The following COL25A1 variants were observed in gnomAD, a reference collection of about 807,000 sequenced individuals.
The protein encoded by COL25A1 is collagen alpha-1(XXV) chain.
In COL25A1, 103 loss-of-function variants were observed where a neutral mutation model predicts 128.4. The observed-to-expected ratio is 0.80, with a 90% confidence interval of 0.68 to 0.94. The LOEUF is 0.94. COL25A1 is among the 40% of genes least tolerant of loss of function. The probability of loss-of-function intolerance (pLI) is 0.00; values close to 1 mark genes in which losing one functional copy is unlikely to be tolerated. For missense variants in COL25A1, 745 were observed against 840.0 expected (o/e 0.89, Z 1.40); for synonymous variants, 279 against 277.2 (o/e 1.01, Z -0.06).
intron 3 of COL25A1, among the ~76,000 whole-genome samples, chr4:109,173,528 C>T (rs1773786664): frequency 1.3e-5 from 2 of 152,044 alleles, no homozygotes; most frequent in South Asian, 2.1e-4. Flanking sequence ...CAAAGTTATA[C>T]TCTTTTTTTA....
intron 3 of COL25A1, among the ~76,000 whole-genome samples, chr4:109,262,723 A>T (rs1347739433): frequency 6.6e-6 from 1 of 152,224 alleles, no homozygotes; most frequent in Non-Finnish European, 1.5e-5. Context: ...CAATATAGAC[A>T]AAACACTGAA....
intron 3 of COL25A1, among the ~76,000 whole-genome samples, chr4:109,085,977 A>C (rs1764326644): frequency 6.6e-6 from 1 of 152,220 alleles, no homozygotes; most frequent in Non-Finnish European, 1.5e-5. Flanking sequence ...GAGGAATGGG[A>C]GTGGAGGCTA....
At chr4:108,956,215 T>G (rs778422839) in intron 8 of COL25A1, among the ~76,000 whole-genome samples, 1 of 152,226 alleles carries the variant, frequency 6.6e-6, no homozygotes, top group African/African-American at 2.4e-5. Context: ...GATGCACTTA[T>G]GTAACTGGAT....
chr4:109,024,243 C>G (rs1758032600), intron 5 of COL25A1, among the ~76,000 whole-genome samples: 1 of 136,006 alleles, frequency 7.4e-6, no homozygotes, highest in African/African-American at 3.1e-5. Flanking sequence ...TTTCAACTTA[C>G]TCTGGATTTA....
chr4:108,931,397 A>G (rs1373340451), intron 11 of COL25A1, among the ~76,000 whole-genome samples: 1 of 152,184 alleles, frequency 6.6e-6, no homozygotes, highest in Non-Finnish European at 1.5e-5. Context: ...AAAATAGTTA[A>G]TAATAGAGCT....
chr4:109,252,594 T>C (rs972716419), intron 3 of COL25A1, among the ~76,000 whole-genome samples: 3 of 152,170 alleles, frequency 2.0e-5, no homozygotes, highest in Non-Finnish European at 4.4e-5. Flanking sequence ...TTCAGGTGGG[T>C]CTATCCATAT....
At chr4:109,285,213 T>A (rs1454859193) in intron 3 of COL25A1, among the ~76,000 whole-genome samples, 1 of 152,022 alleles carries the variant, frequency 6.6e-6, no homozygotes, top group Non-Finnish European at 1.5e-5. Flanking sequence ...ACTTGAAGAG[T>A]TATCATAGTA....
intron 3 of COL25A1, among the ~76,000 whole-genome samples, chr4:109,211,305 T>TG (rs1777526540): frequency 5.8e-5 from 3 of 51,402 alleles, no homozygotes; most frequent in African/African-American, 5.6e-4. Context: ...TATATATATA[T>TG]ATATATATAT....
chr4:109,016,276 C>G (rs570181668), intron 5 of COL25A1, among the ~76,000 whole-genome samples: 7 of 152,242 alleles, frequency 4.6e-5, no homozygotes, highest in Admixed American at 2.6e-4. Flanking sequence ...AGCAGCCCCC[C>G]GCTGCCTCAG....
chr4:108,934,790 T>C (rs890808020), intron 11 of COL25A1, among the ~76,000 whole-genome samples: 2 of 152,220 alleles, frequency 1.3e-5, no homozygotes, highest in Non-Finnish European at 2.9e-5. Flanking sequence ...TCAAAATATG[T>C]TGATTTAAGA....
At chr4:108,823,519 C>T (rs1347556001) in intron 35 of COL25A1, among the ~76,000 whole-genome samples, 2 of 152,114 alleles carry the variant, frequency 1.3e-5, no homozygotes, top group Non-Finnish European at 2.9e-5. Context: ...ACTTTTCTTT[C>T]AAGTCATAAA....
At chr4:109,036,173 C>T (rs1233145977) in intron 5 of COL25A1, among the ~76,000 whole-genome samples, 2 of 152,014 alleles carry the variant, frequency 1.3e-5, no homozygotes, top group African/African-American at 2.4e-5. Context: ...ATGATCCGCC[C>T]ACCTCAACCT....
chr4:108,898,158 TTC>T (rs1742362599), intron 15 of COL25A1, among the ~76,000 whole-genome samples: 1 of 152,148 alleles, frequency 6.6e-6, no homozygotes, highest in South Asian at 2.1e-4. Flanking sequence ...CAAACCAACC[TTC>T]TTAGTAGGGA....
chr4:109,159,075 T>C (rs1772313532), intron 3 of COL25A1, among the ~76,000 whole-genome samples: 1 of 152,112 alleles, frequency 6.6e-6, no homozygotes. Flanking sequence ...CCGATGTTAC[T>C]ATATATCAAG....
chr4:109,063,467 C>T (rs186999778), intron 3 of COL25A1, among the ~76,000 whole-genome samples: 1 of 150,322 alleles, frequency 6.7e-6, no homozygotes, highest in Admixed American at 6.7e-5. Context: ...CACACCACTG[C>T]ACTCCAGCCT....
intron 3 of COL25A1, among the ~76,000 whole-genome samples, chr4:109,165,923 T>A (rs1773030587): frequency 6.6e-6 from 1 of 152,320 alleles, no homozygotes; most frequent in African/African-American, 2.4e-5. Flanking sequence ...AGCTGAAATA[T>A]CTTTAGTATC....
chr4:108,962,291 G>A (rs772545957), intron 8 of COL25A1, among the ~76,000 whole-genome samples: 1 of 151,512 alleles, frequency 6.6e-6, no homozygotes, highest in Non-Finnish European at 1.5e-5. Flanking sequence ...GGGTTCAAGC[G>A]ATTCTCCTGC....
intron 3 of COL25A1, among the ~76,000 whole-genome samples, chr4:109,171,986 A>G (rs1773634527): frequency 6.6e-6 from 1 of 152,056 alleles, no homozygotes; most frequent in Non-Finnish European, 1.5e-5. Flanking sequence ...AGAAAATTTA[A>G]TTAAGTGTTG....
intron 6 of COL25A1, among the ~76,000 whole-genome samples, chr4:109,000,341 G>A (rs919112389): frequency 5.3e-5 from 8 of 152,276 alleles, no homozygotes; most frequent in African/African-American, 9.6e-5. Flanking sequence ...TGAGACTAGC[G>A]TGATTGAGTA....
Sources: gnomAD v4.1 joint callset for allele counts (sites outside exome capture counted in the v4.1 genomes callset) on GRCh38, gnomAD v4.1.1 for gene constraint, MANE v1.5 for transcripts, NCBI Gene and HGNC (gene_info 2026-07-23, HGNC 2026-07-21) for gene names.